CSTF3: variants seen among roughly 807,000 people sequenced by gnomAD.
The protein encoded by CSTF3 is CF-1 77 kDa subunit.
A neutral mutation model predicts 105.8 loss-of-function variants in CSTF3; 29 were observed. The ratio of observed to expected loss-of-function variants is 0.27; its 90% CI spans 0.20 to 0.37. The LOEUF is 0.37. Among genes scored for constraint, CSTF3 ranks in the 10% least tolerant of loss-of-function variants. The pLI is 1.00. For synonymous variants in CSTF3, 252 were observed against 281.9 expected (o/e 0.89, Z 1.06); for missense variants, 357 against 879.3 (o/e 0.41, Z 7.51).
At position 33,099,291 on chromosome 11, in the gene CSTF3, A is replaced by C. The variant is rs1348333348; in HGVS notation, c.937-141T>G. On this transcript the variant is annotated intron_variant, in intron 11 of 20. Coordinates refer to ENST00000323959, the MANE Select transcript of CSTF3 (RefSeq NM_001326.3). This position sits in a 1 kb window ranked among gnomAD's most constrained non-coding sequence, Gnocchi z 4.1. ...TATGTACACACATATATATGTATCC[A>C]CACACACACATACATAAACACATAT... 2.0e-6 allele frequency: 2 copies of C among 993,884 alleles called. No individual in the cohort carries two copies. Among genetic ancestry groups the C allele is most frequent in the East Asian group, 5.8e-5 (2 of 34,210 alleles). 61.6% of individuals were successfully genotyped at this position (993,884 alleles called of 1,614,324 possible).
chr11:33,157,607 A>C (rs1849884147), intron 1 of CSTF3, among the ~76,000 whole-genome samples: 1 of 152,088 alleles, frequency 6.6e-6, no homozygotes. Flanking sequence ...ACAGCAATAA[A>C]CCTTTAGCAG....
intron 3 of CSTF3, among the ~76,000 whole-genome samples, chr11:33,110,424 C>A (rs1217035186): frequency 6.6e-6 from 1 of 152,200 alleles, no homozygotes; most frequent in African/African-American, 2.4e-5. Context: ...AGTCCTTTCC[C>A]TAGGCCCTCT....
intron 3 of CSTF3, among the ~76,000 whole-genome samples, chr11:33,126,398 G>A (rs115743849): frequency 0.038 from 5,708 of 152,018 alleles, 116 homozygotes; most frequent in South Asian, 0.065. Context: ...TACAGTGAGC[G>A]GAGTTCAAGC....
chr11:33,142,026 TA>T (rs780526972), intron 1 of CSTF3, 40 bp from the exon 2 acceptor site: 1 of 1,612,468 alleles, frequency 6.2e-7, no homozygotes, highest in Admixed American at 1.7e-5. Context: ...GTTACTGTTT[TA>T]AAAATCTCAT....
chr11:33,095,488 G>A (rs1855210601), intron 15 of CSTF3, among the ~76,000 whole-genome samples: 1 of 152,160 alleles, frequency 6.6e-6, no homozygotes, highest in African/African-American at 2.4e-5. Flanking sequence ...ACTCAATAAA[G>A]GATGGCCAGT....
At position 33,159,595 on chromosome 11, in the gene CSTF3, CAAAAAAA is replaced by C. The variant is rs71034656; in HGVS notation, c.27+1697_27+1703del. 2.1e-3 allele frequency among the ~76,000 whole-genome samples: 81 copies of C among 37,952 alleles called. 1 individual carries two copies. Among genetic ancestry groups the C allele is most frequent in the Middle Eastern group, 0.028 (1 of 36 alleles). The allele number at this position is 37,952 out of a possible 152,430, so 24.9% of individuals were successfully genotyped here. On this transcript the variant is annotated intron_variant, in intron 1 of 20. Transcript: ENST00000323959. ...TGGGCGACAGAGCAAGGCTCCATCT[CAAAAAAA>C]AAAAAAAAAAAAAAAAAAAAATTAG...
chr11:33,157,993 A>T (rs1453755689), intron 1 of CSTF3, among the ~76,000 whole-genome samples: 6 of 152,272 alleles, frequency 3.9e-5, no homozygotes, highest in African/African-American at 1.4e-4. Context: ...CAGCTCATTC[A>T]TATTTTCCAT....
intron 8 of CSTF3, among the ~76,000 whole-genome samples, chr11:33,104,456 C>T (rs1425641701): frequency 6.6e-6 from 1 of 152,168 alleles, no homozygotes; most frequent in Non-Finnish European, 1.5e-5. Flanking sequence ...TCTCACTACA[C>T]ACTACATTTT....
At chr11:33,152,244 A>G (rs1286114587) in intron 1 of CSTF3, among the ~76,000 whole-genome samples, 1 of 152,160 alleles carries the variant, frequency 6.6e-6, no homozygotes, top group Non-Finnish European at 1.5e-5. Context: ...TGGGCGACAG[A>G]GCGAGACTAT....
chr11:33,085,665 A>G (rs1565000036), intron 20 of CSTF3, 48 bp downstream of exon 20: 1 of 1,487,566 alleles, frequency 6.7e-7, no homozygotes, highest in Non-Finnish European at 9.4e-7. Context: ...ACTGCCTATG[A>G]GACAACAACG....
intron 1 of CSTF3, among the ~76,000 whole-genome samples, chr11:33,146,620 A>G (rs1565019034): frequency 1.9e-5 from 1 of 53,756 alleles, no homozygotes; most frequent in African/African-American, 5.8e-5. Flanking sequence ...ATTTGTAGTC[A>G]CTTAAAAAAA....
intron 8 of CSTF3, among the ~76,000 whole-genome samples, chr11:33,105,316 G>A (rs1047821899): frequency 7.9e-5 from 12 of 152,192 alleles, no homozygotes; most frequent in Admixed American, 6.5e-4. Flanking sequence ...GTATGTGTGT[G>A]TATGAATGTG....
At chr11:33,147,053 C>T (rs1334455655) in intron 1 of CSTF3, among the ~76,000 whole-genome samples, 1 of 149,200 alleles carries the variant, frequency 6.7e-6, no homozygotes, top group Non-Finnish European at 1.5e-5. Context: ...GCAGCCCTAG[C>T]TACTAGGCAG....
chr11:33,135,067 C>T (rs1855638683), intron 3 of CSTF3, among the ~76,000 whole-genome samples: 1 of 152,194 alleles, frequency 6.6e-6, no homozygotes, highest in South Asian at 2.1e-4. Context: ...TCCCGTAACA[C>T]TTGAAGTGTC....
chr11:33,117,683 G>A (rs752012735), intron 3 of CSTF3, among the ~76,000 whole-genome samples: 11 of 151,460 alleles, frequency 7.3e-5, no homozygotes, highest in Non-Finnish European at 1.6e-4. Context: ...ATATGAGGAT[G>A]TTCATTGAAA....
chr11:33,092,388 G>A lies in CSTF3; in HGVS notation c.1376-48C>T, dbSNP rs371063770. 1.3e-5 allele frequency: 17 copies of A among 1,268,496 alleles called. No individual in the cohort carries two copies. In the African/African-American group the frequency reaches 2.5e-4, roughly 18 times the overall value. 78.6% of individuals were successfully genotyped at this position (1,268,496 alleles called of 1,614,324 possible). ...AATTTTTTTAATTCACTTTTACGAT[G>A]CAACAATATTTTCATATGCATTATC... is the stretch of plus-strand genomic sequence containing the variant. On this transcript the variant is annotated intron_variant, in intron 15 of 20. Coordinates refer to ENST00000323959, the MANE Select transcript of CSTF3 (RefSeq NM_001326.3).
intron 3 of CSTF3, among the ~76,000 whole-genome samples, chr11:33,127,981 T>C (rs1421851931): frequency 6.6e-6 from 1 of 152,230 alleles, no homozygotes; most frequent in African/African-American, 2.4e-5. Context: ...CTTTCCATTT[T>C]TTCATTTAAA....
At chr11:33,091,413 G>C (rs1158125912) in intron 16 of CSTF3, among the ~76,000 whole-genome samples, 1 of 152,088 alleles carries the variant, frequency 6.6e-6, no homozygotes, top group African/African-American at 2.4e-5. Context: ...TCCTACACTG[G>C]TGGACATTAT....
In CSTF3 at chr11:33,158,400, A is replaced by G. The variant is rs530608672; in HGVS notation, c.27+2899T>C. 2.0e-5 allele frequency among the ~76,000 whole-genome samples: 3 copies of G among 152,336 alleles called. No individual in the cohort carries two copies. In the South Asian group the frequency reaches 6.2e-4, roughly 32 times the overall value. On this transcript the variant is annotated intron_variant, in intron 1 of 20. Coordinates refer to ENST00000323959, the MANE Select transcript of CSTF3 (RefSeq NM_001326.3). ...CGATACTTAATCTTTAGGAAGAAAA[A>G]AAGTCTTTTTTGCAGAAAGTATGAG...
Sources: allele counts gnomAD v4.1 joint callset (sites outside exome capture counted in the v4.1 genomes callset), GRCh38; gene constraint gnomAD v4.1.1; non-coding constraint Gnocchi (gnomAD v3.1); transcripts MANE v1.5; gene names NCBI Gene and HGNC (gene_info 2026-07-23, HGNC 2026-07-21).